CNIH1: variants seen among roughly 807,000 people sequenced by gnomAD.
CNIH1 encodes the protein cornichon family member 1, also known as protein cornichon homolog 1.
CNIH1 carries 12 observed loss-of-function variants against 20.2 expected under a neutral mutation model. The ratio of observed to expected loss-of-function variants is 0.59; its 90% CI spans 0.38 to 0.96. CNIH1 has a LOEUF of 0.96. Among genes scored for constraint, CNIH1 ranks in the 40% least tolerant of loss-of-function variants. The pLI is 0.00. For missense variants in CNIH1, 152 were observed against 178.8 expected, an observed-to-expected ratio of 0.85 and a Z score of 0.85; for synonymous variants, 69 against 63.3, an observed-to-expected ratio of 1.09 and a Z score of -0.43.
At chr14:54,434,386 C>G (rs919769751) in intron 2 of CNIH1, among the ~76,000 whole-genome samples, 3 of 152,160 alleles carry the variant, frequency 2.0e-5, no homozygotes, top group Non-Finnish European at 4.4e-5. Flanking sequence ...AAAATGAAAC[C>G]TGTCCCTCCT....
intron 3 of CNIH1, among the ~76,000 whole-genome samples, chr14:54,431,178 G>C (rs552647919): frequency 6.6e-6 from 1 of 151,532 alleles, no homozygotes; most frequent in Non-Finnish European, 1.5e-5. Flanking sequence ...GCCCAGGCTG[G>C]AGTGCAGTGA....
intron 1 of CNIH1, among the ~76,000 whole-genome samples, chr14:54,439,188 A>T (rs535214055): frequency 7.2e-5 from 11 of 152,380 alleles, no homozygotes; most frequent in African/African-American, 2.6e-4. Flanking sequence ...TAGAAAAATT[A>T]AAACTATCTA....
At chr14:54,431,223 G>A (rs2030937101) in intron 3 of CNIH1, among the ~76,000 whole-genome samples, 1 of 151,888 alleles carries the variant, frequency 6.6e-6, no homozygotes, top group Non-Finnish European at 1.5e-5. Context: ...CTGCCTCCCA[G>A]CCTGAAGCAA....
intron 3 of CNIH1, among the ~76,000 whole-genome samples, chr14:54,431,277 G>A (rs985227446): frequency 1.3e-4 from 19 of 151,984 alleles, no homozygotes; most frequent in African/African-American, 4.4e-4. Flanking sequence ...ATAGGCGCCC[G>A]CCACCACTAC....
chr14:54,434,195 G>C (rs1338898739), intron 2 of CNIH1, among the ~76,000 whole-genome samples: 1 of 152,130 alleles, frequency 6.6e-6, no homozygotes, highest in African/African-American at 2.4e-5. Context: ...AATTTAAATA[G>C]GGAAAACTGT....
At chr14:54,430,528 T>C (rs1365553871) in intron 3 of CNIH1, 124 bp from the exon 4 acceptor site, 2 of 884,176 alleles carry the variant, frequency 2.3e-6, no homozygotes, top group African/African-American at 1.7e-5. Flanking sequence ...TTCTTTTACT[T>C]ATGGGTAAAA....
rs1290323842 is a variant in CNIH1 at position 54,430,258 on chromosome 14, T to C, written c.407+3A>G. The C allele has an allele frequency of 6.2e-7, 1 of 1,613,630 alleles. No homozygotes were observed. The highest frequency in any genetic ancestry group is 1.7e-5 in the Admixed American group (1 of 59,964). ...CATATTTCATTTTACCTTTTCAACTTACCCATATAGGTAGTAAAAAAATGC... is the reference window on the plus strand; with the variant it reads ...CATATTTCATTTTACCTTTTCAACTCACCCATATAGGTAGTAAAAAAATGC... On this transcript the variant is annotated splice_donor_region_variant and intron_variant, in intron 4 of 4. Transcript: ENST00000216416.
Position 54,427,784 on chromosome 14 carries a change from T to C in CNIH1, c.*30A>G, listed in dbSNP as rs1566715325. On this transcript the variant is annotated 3_prime_UTR_variant, in exon 5 of 5. Coordinates refer to ENST00000216416, the MANE Select transcript of CNIH1 (RefSeq NM_005776.3). ...TCATTTGGTGGCTTTTTGCATGCAC[T>C]TAACTGGACCAATTCTTCTGTGTGT... is the stretch of plus-strand genomic sequence containing the variant. 1 of 1,613,372 alleles carries C rather than the reference T, an allele frequency of 6.2e-7. No homozygotes were observed. Among genetic ancestry groups the C allele is most frequent in the Non-Finnish European group, 8.5e-7 (1 of 1,179,634 alleles).
chr14:54,441,108 C>T (rs2031164145), intron 1 of CNIH1, 139 bp downstream of exon 1: 1 of 915,398 alleles, frequency 1.1e-6, no homozygotes, highest in Non-Finnish European at 1.4e-6. Context: ...CCAGACCCCT[C>T]GCCGCGCGGC....
chr14:54,431,965 T>C (rs2030956827), intron 3 of CNIH1, 143 bp downstream of exon 3: 1 of 437,138 alleles, frequency 2.3e-6, no homozygotes, highest in African/African-American at 2.1e-5. Flanking sequence ...ATAGTTTTTG[T>C]TCACCCACTT....
intron 1 of CNIH1, among the ~76,000 whole-genome samples, chr14:54,438,249 G>C (rs2031095438): frequency 6.6e-6 from 1 of 152,134 alleles, no homozygotes; most frequent in Non-Finnish European, 1.5e-5. Flanking sequence ...CAAAGTGCTG[G>C]GATTACAGGA....
Position 54,432,134 on chromosome 14 carries a change from C to A in CNIH1, c.237G>T (p.Met79Ile), listed in dbSNP as rs866697540. The A allele has an allele frequency of 6.4e-7, 1 of 1,550,532 alleles. No individual in the cohort carries two copies. Among genetic ancestry groups the A allele is most frequent in the Non-Finnish European group, 8.7e-7 (1 of 1,146,236 alleles). The change falls in exon 3 of 5, where the codon ATG (methionine) becomes ATT (isoleucine). Residue 79 changes from methionine (M) to isoleucine (I), a missense_variant. Coordinates refer to ENST00000216416, the MANE Select transcript of CNIH1 (RefSeq NM_005776.3). The stretch of plus-strand genomic sequence containing the variant: ...TCCAAATATGATATGCCAAGAGGGG[C>A]ATATTGAGACCCAGTGTAAGCCACT... ...AAEWLTLGLN[M>I]PLLAYHIWRY... is the part of the protein sequence containing the mutation.
chr14:54,428,705 T>C (rs959922159), intron 4 of CNIH1, among the ~76,000 whole-genome samples: 1 of 152,192 alleles, frequency 6.6e-6, no homozygotes, highest in African/African-American at 2.4e-5. Context: ...TGGAAACTTA[T>C]GAAATGAAAA....
intron 4 of CNIH1, among the ~76,000 whole-genome samples, chr14:54,429,926 G>A (rs1344394597): frequency 6.6e-6 from 1 of 152,194 alleles, no homozygotes; most frequent in East Asian, 1.9e-4. Context: ...CTGAAGACAA[G>A]CAGAAATTTC....
rs2030910632 is a variant in CNIH1, at chr14:54,430,407, G to A, written c.264-3C>T. On this transcript the variant is annotated splice_region_variant and splice_polypyrimidine_tract_variant and intron_variant, in intron 3 of 4. Coordinates refer to ENST00000216416, the MANE Select transcript of CNIH1 (RefSeq NM_005776.3). ...TCATCACTGGTCTACTCATATACCT[G>A]GAATAAACACAGTCTATTAGGCATT... 6.2e-7 allele frequency: 1 copy of A among 1,611,704 alleles called. No individual in the cohort carries two copies. Among genetic ancestry groups the A allele is most frequent in the Admixed American group, 1.7e-5 (1 of 59,728 alleles).
Position 54,430,963 on chromosome 14 carries a change from C to T in CNIH1, c.264-559G>A, listed in dbSNP as rs973408681. On this transcript the variant is annotated intron_variant, in intron 3 of 4. Transcript: ENST00000216416. ...CCTTCTGCCTCAGCCTCCCAAGTAG[C>T]GGGGACTACAGGCACACGCCACCAT... Among the ~76,000 whole-genome samples the T allele has an allele frequency of 1.3e-5, 2 of 152,028 alleles. 1 individual carries two copies. The highest frequency in any genetic ancestry group is 2.9e-5 in the Non-Finnish European group (2 of 68,000).
chr14:54,426,430 T>G lies in CNIH1; in HGVS notation c.*1384A>C, dbSNP rs980683044. ...ATAAACTTCCTTGATCATGTGAAAT[T>G]TCTATATATTGGTTCTCTTTCTTTT... On this transcript the variant is annotated 3_prime_UTR_variant, in exon 5 of 5. Coordinates refer to ENST00000216416, the MANE Select transcript of CNIH1 (RefSeq NM_005776.3). 1 of 152,192 alleles carries G rather than the reference T, an allele frequency of 6.6e-6. No individual in the cohort carries two copies. The highest frequency in any genetic ancestry group is 2.4e-5 in the African/African-American group (1 of 41,454). 9.4% of individuals were successfully genotyped at this position (152,192 alleles called of 1,614,324 possible).
At chr14:54,432,974 G>A (rs2030979167) in intron 2 of CNIH1, among the ~76,000 whole-genome samples, 2 of 152,140 alleles carry the variant, frequency 1.3e-5, no homozygotes, top group Admixed American at 6.5e-5. Flanking sequence ...ACCAGTAGAA[G>A]CTCAGAACCC....
chr14:54,432,035 A>G, intron 3 of CNIH1, 73 bp downstream of exon 3: 1 of 697,846 alleles, frequency 1.4e-6, no homozygotes, highest in Non-Finnish European at 2.1e-6. Flanking sequence ...ACTAGCATGT[A>G]AGATAACCAT....
Sources: gnomAD v4.1 joint callset for allele counts (sites outside exome capture counted in the v4.1 genomes callset) on GRCh38, gnomAD v4.1.1 for gene constraint, MANE v1.5 for transcripts, NCBI Gene and HGNC (gene_info 2026-07-23, HGNC 2026-07-21) for gene names.